Variants in PRR5L observed in about 807,000 individuals in gnomAD.
The protein encoded by PRR5L is proline rich 5 like.
A neutral mutation model predicts 36.4 loss-of-function variants in PRR5L; 21 were observed. The observed-to-expected ratio is 0.58, with a 90% CI of 0.41 to 0.83. The LOEUF is 0.83. Among genes scored for constraint, PRR5L ranks in the 40% least tolerant of loss-of-function variants. The pLI is 0.00. For missense variants in PRR5L, 381 were observed against 473.3 expected (o/e 0.80, Z 1.81); for synonymous variants, 188 against 197.0 (o/e 0.95, Z 0.38).
intron 6 of PRR5L, among the ~76,000 whole-genome samples, chr11:36,441,225 A>T (rs117111749): frequency 0.012 from 1,781 of 152,214 alleles, 16 homozygotes; most frequent in Non-Finnish European, 0.017. Context: ...CTCATCTGAG[A>T]CTCAAGGCAA....
intron 3 of PRR5L, among the ~76,000 whole-genome samples, chr11:36,410,126 G>C (rs1468676074): frequency 4.6e-5 from 7 of 152,344 alleles, no homozygotes; most frequent in Non-Finnish European, 1.0e-4. Flanking sequence ...ACCTGCTGTG[G>C]CTGAGAAACA....
intron 1 of PRR5L, among the ~76,000 whole-genome samples, chr11:36,340,485 G>A (rs1590457662): frequency 1.3e-5 from 2 of 152,164 alleles, no homozygotes; most frequent in Admixed American, 6.5e-5. Context: ...GACACTGTTC[G>A]AAGTGCTTTA....
At chr11:36,385,791 G>A (rs1857447183) in intron 1 of PRR5L, among the ~76,000 whole-genome samples, 1 of 152,228 alleles carries the variant, frequency 6.6e-6, no homozygotes, top group East Asian at 1.9e-4. Context: ...CTATGTAGCA[G>A]GCACTTCTGC....
At chr11:36,359,673 G>A (rs921653910) in intron 1 of PRR5L, among the ~76,000 whole-genome samples, 2 of 152,172 alleles carry the variant, frequency 1.3e-5, no homozygotes, top group African/African-American at 4.8e-5. Flanking sequence ...ATGTCCCAAA[G>A]GAGCGGATCA....
intron 1 of PRR5L, among the ~76,000 whole-genome samples, chr11:36,304,163 C>G (rs539131503): frequency 6.6e-6 from 1 of 152,314 alleles, no homozygotes; most frequent in East Asian, 1.9e-4. Flanking sequence ...AAGAATTCCT[C>G]ATTATTTTTT....
chr11:36,325,071 G>C (rs568193945), intron 1 of PRR5L, among the ~76,000 whole-genome samples: 4 of 152,224 alleles, frequency 2.6e-5, no homozygotes, highest in Admixed American at 1.3e-4. Context: ...GGCAAGCCTC[G>C]TGTTCTCTGA....
intron 6 of PRR5L, among the ~76,000 whole-genome samples, chr11:36,439,339 G>C (rs1357182226): frequency 6.6e-6 from 1 of 152,124 alleles, no homozygotes; most frequent in Non-Finnish European, 1.5e-5. Context: ...AAAGGTTGGG[G>C]AGGGGGGTTT....
At chr11:36,421,970 C>G (rs979841466) in intron 4 of PRR5L, among the ~76,000 whole-genome samples, 1 of 152,118 alleles carries the variant, frequency 6.6e-6, no homozygotes, top group Admixed American at 6.5e-5. Context: ...TTGAGTTGAT[C>G]ATTGAGTTCC....
intron 1 of PRR5L, among the ~76,000 whole-genome samples, chr11:36,307,034 T>C (rs1278071690): frequency 6.6e-6 from 1 of 152,104 alleles, no homozygotes; most frequent in Non-Finnish European, 1.5e-5. Flanking sequence ...GCCCTTCCCA[T>C]TGTGATGGTT....
At position 36,351,529 on chromosome 11, in the gene PRR5L, TTATATAAATATATATTTA is replaced by T. The variant is rs1565408407; in HGVS notation, c.-125-49461_-125-49444del. On this transcript the variant is annotated intron_variant, in intron 1 of 8. Transcript: ENST00000530639. ...TATATATTTATATATATTTATATATTTATATAAATATATATTTATATATATTTATATATTTATATATTT... is the reference window on the plus strand; with the variant it reads ...TATATATTTATATATATTTATATATTTATATATTTATATATTTATATATTT... 7.2e-4 allele frequency among the ~76,000 whole-genome samples: 22 copies of T among 30,530 alleles called. 5 individuals carry two copies. Among genetic ancestry groups the T allele is most frequent in the African/African-American group, 4.4e-3 (22 of 5,012 alleles). The allele number at this position is 30,530 out of a possible 152,430, so 20.0% of individuals were successfully genotyped here. A position where few individuals can be genotyped will look rare whatever the true frequency, so the allele number is the denominator to read the frequency against.
chr11:36,428,197 G>A (rs1858422355), intron 4 of PRR5L, among the ~76,000 whole-genome samples: 1 of 152,200 alleles, frequency 6.6e-6, no homozygotes, highest in Non-Finnish European at 1.5e-5. Flanking sequence ...CAGGGGTGAG[G>A]TGTAGGTGCC....
chr11:36,356,388 C>A (rs115048355), intron 1 of PRR5L, among the ~76,000 whole-genome samples: 4,085 of 152,210 alleles, frequency 0.027, 73 homozygotes, highest in African/African-American at 0.04. Flanking sequence ...ACTGGGGTGG[C>A]AGCCAGACTG....
chr11:36,451,417 G>A (rs754536709), intron 8 of PRR5L, 82 bp downstream of exon 8: 9 of 1,514,292 alleles, frequency 5.9e-6, no homozygotes, highest in Non-Finnish European at 8.2e-6. Context: ...GTTTAACTGA[G>A]CACTGATACC....
At chr11:36,400,007 A>C (rs1030949915) in intron 1 of PRR5L, among the ~76,000 whole-genome samples, 1 of 152,240 alleles carries the variant, frequency 6.6e-6, no homozygotes, top group Non-Finnish European at 1.5e-5. Context: ...GGAGTGGCCA[A>C]GTTAAGACTC....
intron 1 of PRR5L, among the ~76,000 whole-genome samples, chr11:36,349,010 T>A (rs982494124): frequency 1.3e-5 from 2 of 152,156 alleles, no homozygotes; most frequent in Admixed American, 6.5e-5. Flanking sequence ...TTTGGCTGGG[T>A]GTGGTAGCTC....
intron 4 of PRR5L, among the ~76,000 whole-genome samples, chr11:36,422,093 G>C (rs1040892772): frequency 2.0e-5 from 3 of 152,214 alleles, no homozygotes; most frequent in Admixed American, 6.5e-5. Flanking sequence ...CATGTAGGTG[G>C]CCCTGGCTCT....
intron 3 of PRR5L, among the ~76,000 whole-genome samples, chr11:36,409,450 G>T (rs1446396985): frequency 6.6e-6 from 1 of 152,212 alleles, no homozygotes; most frequent in Non-Finnish European, 1.5e-5. Context: ...GAGGTTCCAA[G>T]AATTGTGTTT....
At chr11:36,397,443 CTTTTTTTTTTTTTTTTTTT>C (rs34024197) in intron 1 of PRR5L, among the ~76,000 whole-genome samples, 1 of 35,076 alleles carries the variant, frequency 2.9e-5, no homozygotes, top group African/African-American at 1.1e-4. Flanking sequence ...CAGCCGATGC[CTTTTTTTTTTTTTTTTTTT>C]TTTTTTTTTT....
intron 1 of PRR5L, among the ~76,000 whole-genome samples, chr11:36,328,448 A>G (rs1308251725): frequency 2.0e-5 from 3 of 151,860 alleles, no homozygotes; most frequent in East Asian, 1.9e-4. Flanking sequence ...GTGAGTGGCA[A>G]CTCAGCCCTC....
Sources: gnomAD v4.1 joint callset for allele counts (sites outside exome capture counted in the v4.1 genomes callset) on GRCh38, gnomAD v4.1.1 for gene constraint, MANE v1.5 for transcripts, NCBI Gene and HGNC (gene_info 2026-07-23, HGNC 2026-07-21) for gene names.